Variants in PPP4R3A observed in about 807,000 individuals in gnomAD.
The protein encoded by PPP4R3A is serine/threonine-protein phosphatase 4 regulatory subunit 3A.
In PPP4R3A, 15 loss-of-function variants were observed where a neutral mutation model predicts 91.7. The ratio of observed to expected loss-of-function variants is 0.16; its 90% CI spans 0.11 to 0.25. The LOEUF (loss-of-function observed/expected upper bound fraction) is 0.25, where lower values mean the gene tolerates loss of function less well. PPP4R3A is among the 10% of genes least tolerant of loss of function. PPP4R3A has a pLI of 1.00. For synonymous variants in PPP4R3A, 377 were observed against 348.7 expected (o/e 1.08, Z -0.91); for missense variants, 623 against 998.4 (o/e 0.62, Z 5.07).
intron 1 of PPP4R3A, among the ~76,000 whole-genome samples, chr14:91,495,952 A>C (rs1193607792): frequency 6.8e-6 from 1 of 147,816 alleles, no homozygotes; most frequent in African/African-American, 2.5e-5. Flanking sequence ...CACACACACA[A>C]AAAGGTAAAC....
intron 7 of PPP4R3A, 175 bp downstream of exon 7, chr14:91,475,636 G>A (rs1437388202): frequency 7.7e-6 from 4 of 517,020 alleles, no homozygotes; most frequent in African/African-American, 5.9e-5. Context: ...ATAAATAGTT[G>A]CTGTAGGACA....
chr14:91,498,863 G>A (rs1238383921), intron 1 of PPP4R3A, among the ~76,000 whole-genome samples: 3 of 147,158 alleles, frequency 2.0e-5, no homozygotes, highest in East Asian at 2.0e-4. Context: ...GCAGTGAGCC[G>A]AGATGGCACC....
rs781037806 is a variant in PPP4R3A at position 91,458,816 on chromosome 14, C to CTCATCATCATCT, written c.2433_2444dup (p.Asp813_Asp816dup). The CTCATCATCATCT allele has an allele frequency of 6.2e-7, 1 of 1,613,414 alleles. No individual in the cohort carries two copies. The highest frequency in any genetic ancestry group is 8.5e-7 in the Non-Finnish European group (1 of 1,179,662). On this transcript the variant is annotated inframe_insertion, in exon 15 of 15. Coordinates refer to ENST00000554943, the MANE Select transcript of PPP4R3A (RefSeq NM_001366432.2). ...GTAACGTATCTTCCTTATCTTCATC[C>CTCATCATCATCT]TCATCATCATCTTCATCATCATCAG...
chr14:91,478,299 TGCA>T (rs1168045214), intron 4 of PPP4R3A, among the ~76,000 whole-genome samples: 1 of 152,242 alleles, frequency 6.6e-6, no homozygotes, highest in Admixed American at 6.5e-5. Context: ...TCTGAACTGC[TGCA>T]GTTGGGGGTA....
In PPP4R3A at chr14:91,458,828, T is replaced by C. The variant is rs200723204; in HGVS notation, c.2433A>G (p.Glu811=). 2 of 1,613,294 alleles carry C rather than the reference T, an allele frequency of 1.2e-6. No individual in the cohort carries two copies. Among genetic ancestry groups the C allele is most frequent in the Admixed American group, 1.7e-5 (1 of 60,000 alleles). Residue 811 remains glutamate (E), a synonymous_variant, in exon 15 of 15, where the codon GAA becomes GAG. Coordinates refer to ENST00000554943, the MANE Select transcript of PPP4R3A (RefSeq NM_001366432.2). Reference sequence around the variant, plus strand: ...CCTTATCTTCATCCTCATCATCATCTTCATCATCATCAGGATAATCTACCA... The same window carrying C: ...CCTTATCTTCATCCTCATCATCATCCTCATCATCATCAGGATAATCTACCA... ...VGLVDYPDDD[E]DDDEDEDKED... is the part of the protein sequence containing the mutation.
intron 14 of PPP4R3A, among the ~76,000 whole-genome samples, chr14:91,460,725 A>G (rs1204453694): frequency 1.5e-5 from 2 of 133,444 alleles, no homozygotes; most frequent in East Asian, 4.5e-4. Context: ...GGTTCATGCC[A>G]TTCTCCTGCC....
At chr14:91,466,457 T>C (rs1888472312) in intron 10 of PPP4R3A, 3 of 985,712 alleles carry the variant, frequency 3.0e-6, no homozygotes, top group South Asian at 4.7e-5. Flanking sequence ...TCAATTTTTC[T>C]TTAGTTGGCA....
intron 14 of PPP4R3A, among the ~76,000 whole-genome samples, chr14:91,459,174 G>A (rs568722190): frequency 1.3e-5 from 2 of 151,820 alleles, no homozygotes; most frequent in South Asian, 2.1e-4. Context: ...GTGCGATCTC[G>A]GCTCACTGCA....
At chr14:91,492,305 A>G (rs1032199343) in intron 1 of PPP4R3A, among the ~76,000 whole-genome samples, 1 of 152,200 alleles carries the variant, frequency 6.6e-6, no homozygotes, top group Non-Finnish European at 1.5e-5. Context: ...CGGAGCTTTC[A>G]TTTCTTCTAT....
At position 91,485,740 on chromosome 14, in the gene PPP4R3A, CAT is replaced by C; in HGVS notation, c.199-12_199-11del. On this transcript the variant is annotated splice_polypyrimidine_tract_variant and intron_variant, in intron 2 of 14. Transcript: ENST00000554943. ...ACACAATCAGAGTGTCCTTTGGAGA[CAT>C]AAAAGGAGTCTGAATGATTAACATA... The C allele has an allele frequency of 6.3e-7, 1 of 1,578,068 alleles. No individual in the cohort carries two copies. The highest frequency in any genetic ancestry group is 8.6e-7 in the Non-Finnish European group (1 of 1,161,922).
intron 1 of PPP4R3A, among the ~76,000 whole-genome samples, chr14:91,508,255 A>G (rs867008229): frequency 5.9e-5 from 9 of 152,258 alleles, no homozygotes; most frequent in Non-Finnish European, 4.4e-5. Context: ...GGGTAACCTT[A>G]TAACCTGTGG....
chr14:91,496,768 T>C (rs1342760535), intron 1 of PPP4R3A, among the ~76,000 whole-genome samples: 1 of 152,292 alleles, frequency 6.6e-6, no homozygotes, highest in South Asian at 2.1e-4. Context: ...AAGTAGGCTA[T>C]AGAGGCTAGA....
chr14:91,494,776 G>T (rs1231317531), intron 1 of PPP4R3A, among the ~76,000 whole-genome samples: 2 of 152,200 alleles, frequency 1.3e-5, no homozygotes, highest in Admixed American at 1.3e-4. Context: ...TGAGGCAGGA[G>T]AATCACTTTA....
At chr14:91,468,892 C>A (rs1888662017) in intron 10 of PPP4R3A, among the ~76,000 whole-genome samples, 1 of 151,856 alleles carries the variant, frequency 6.6e-6, no homozygotes, top group African/African-American at 2.4e-5. Flanking sequence ...CATCCAAACA[C>A]ACCTCAATGT....
At position 91,481,373 on chromosome 14, in the gene PPP4R3A, C is replaced by G. The variant is rs180734682; in HGVS notation, c.915+203G>C. On this transcript the variant is annotated intron_variant, in intron 4 of 14. Transcript: ENST00000554943. ...CCCCTCATACCATTTCTTCAAACTACATTTGTCACACTTACCTCTCCTACC... is the reference window on the plus strand; with the variant it reads ...CCCCTCATACCATTTCTTCAAACTAGATTTGTCACACTTACCTCTCCTACC... Among the ~76,000 whole-genome samples, 80 of 152,264 alleles carry G rather than the reference C, an allele frequency of 5.3e-4. 1 individual carries two copies. The Middle Eastern group carries it at 0.027, about 52-fold the overall frequency.
chr14:91,484,339 AACTTT>A (rs1474023826), intron 3 of PPP4R3A, among the ~76,000 whole-genome samples: 1 of 152,212 alleles, frequency 6.6e-6, no homozygotes, highest in Non-Finnish European at 1.5e-5. Context: ...ATAGCTGTCA[AACTTT>A]AGGGTGCATC....
chr14:91,502,015 C>A (rs1440040477), intron 1 of PPP4R3A, among the ~76,000 whole-genome samples: 2 of 151,898 alleles, frequency 1.3e-5, no homozygotes, highest in Non-Finnish European at 2.9e-5. Flanking sequence ...AGCCACCGCA[C>A]CCGGCCAAGA....
chr14:91,462,516 T>TC (rs61695343), intron 12 of PPP4R3A, among the ~76,000 whole-genome samples: 4 of 127,244 alleles, frequency 3.1e-5, no homozygotes, highest in African/African-American at 1.1e-4. Flanking sequence ...TTTTTTTTTT[T>TC]CCCTTATCTA....
At chr14:91,458,944 A>C in intron 14 of PPP4R3A, 75 bp from the exon 15 acceptor site, 1 of 1,466,822 alleles carries the variant, frequency 6.8e-7, no homozygotes, top group Non-Finnish European at 9.1e-7. Context: ...TGGCTGGAGA[A>C]AGAAAATAGA....
Sources: allele counts gnomAD v4.1 joint callset (sites outside exome capture counted in the v4.1 genomes callset), GRCh38; gene constraint gnomAD v4.1.1; transcripts MANE v1.5; gene names NCBI Gene and HGNC (gene_info 2026-07-23, HGNC 2026-07-21).